The following ZNF475 variants were observed in gnomAD, a reference collection of about 807,000 sequenced individuals.
ZNF475 encodes the protein zinc finger protein 475.
the ZNF475 span, among the ~76,000 whole-genome samples, chr5:122,181,725 G>C: frequency 6.6e-6 from 1 of 152,144 alleles, no homozygotes; most frequent in African/African-American, 2.4e-5. Context: ...CTAAGACATA[G>C]TCAATTTAAT....
the ZNF475 span, among the ~76,000 whole-genome samples, chr5:122,171,483 G>T: frequency 1.3e-5 from 2 of 152,102 alleles, no homozygotes; most frequent in African/African-American, 4.8e-5. Flanking sequence ...TGACAAAAAG[G>T]CACCAAAGTG....
the ZNF475 span, chr5:122,163,012 T>C: frequency 4.6e-5 from 7 of 152,224 alleles, no homozygotes; most frequent in African/African-American, 1.7e-4. Context: ...ATTCAGATCA[T>C]AGATGCACAG....
chr5:122,170,214 A>G, the ZNF475 span, among the ~76,000 whole-genome samples: 7 of 152,286 alleles, frequency 4.6e-5, no homozygotes, highest in East Asian at 1.9e-4. Context: ...CCCCACAGCA[A>G]CAACCAGTTC....
At chr5:122,166,693 A>T in the ZNF475 span, among the ~76,000 whole-genome samples, 1 of 152,222 alleles carries the variant, frequency 6.6e-6, no homozygotes, top group African/African-American at 2.4e-5. Flanking sequence ...GCTGCACAGT[A>T]TTCCATGGTG....
chr5:122,171,688 ACTG>A, the ZNF475 span, among the ~76,000 whole-genome samples: 2 of 151,954 alleles, frequency 1.3e-5, no homozygotes, highest in Non-Finnish European at 1.5e-5. Flanking sequence ...ACTTATTTGT[ACTG>A]CTCCTTCCCC....
chr5:122,168,690 G>C, the ZNF475 span, among the ~76,000 whole-genome samples: 2 of 152,194 alleles, frequency 1.3e-5, no homozygotes, highest in African/African-American at 2.4e-5. Flanking sequence ...TGCAGGCTGG[G>C]CACAGAGCAA....
chr5:122,179,821 A>G, the ZNF475 span: 1 of 940,970 alleles, frequency 1.1e-6, no homozygotes, highest in Non-Finnish European at 1.5e-6. Context: ...TCACTTGTTC[A>G]AACGACCAAA....
chr5:122,180,118 G>A, the ZNF475 span: 186 of 152,770 alleles, frequency 1.2e-3, 1 homozygote, highest in Non-Finnish European at 2.0e-3. Context: ...CCAAAGTCAT[G>A]TTTCCAAATA....
the ZNF475 span, chr5:122,179,576 A>G: frequency 1.3e-6 from 2 of 1,521,844 alleles, no homozygotes; most frequent in Non-Finnish European, 1.8e-6. Flanking sequence ...GTCCACCAGC[A>G]GTTGTTTGCT....
chr5:122,162,894 CATCCA>C, the ZNF475 span: 3 of 152,176 alleles, frequency 2.0e-5, no homozygotes, highest in African/African-American at 7.2e-5. Context: ...TCCCCAGTCC[CATCCA>C]ATGGCTGACT....
the ZNF475 span, among the ~76,000 whole-genome samples, chr5:122,164,190 G>T: frequency 6.6e-6 from 1 of 152,126 alleles, no homozygotes; most frequent in Non-Finnish European, 1.5e-5. Context: ...GTGAGGAGAG[G>T]GATTAGAAAA....
chr5:122,168,114 G>C, the ZNF475 span, among the ~76,000 whole-genome samples: 1 of 152,104 alleles, frequency 6.6e-6, no homozygotes, highest in Admixed American at 6.5e-5. Context: ...GTGCCATCTC[G>C]GCTCACTACA....
At chr5:122,171,145 G>A in the ZNF475 span, among the ~76,000 whole-genome samples, 63 of 151,788 alleles carry the variant, frequency 4.2e-4, no homozygotes, top group African/African-American at 1.5e-3. Flanking sequence ...TATAATCTTT[G>A]AATATCTTTT....
At chr5:122,178,213 C>T in the ZNF475 span, among the ~76,000 whole-genome samples, 6 of 152,124 alleles carry the variant, frequency 3.9e-5, no homozygotes, top group Admixed American at 3.9e-4. Context: ...ATACATGTGC[C>T]TGTGTCTTTA....
the ZNF475 span, among the ~76,000 whole-genome samples, chr5:122,167,926 T>C: frequency 6.6e-6 from 1 of 152,248 alleles, no homozygotes; most frequent in Admixed American, 6.5e-5. Context: ...ATTCTGAGTT[T>C]CATCCACTGG....
the ZNF475 span, among the ~76,000 whole-genome samples, chr5:122,173,700 A>T: frequency 6.6e-6 from 1 of 152,354 alleles, no homozygotes; most frequent in African/African-American, 2.4e-5. Context: ...ATTCAAGTTA[A>T]AAGTTTTCCC....
the ZNF475 span, among the ~76,000 whole-genome samples, chr5:122,165,720 A>T: frequency 6.6e-6 from 1 of 151,796 alleles, no homozygotes; most frequent in African/African-American, 2.4e-5. Flanking sequence ...GGATGATGCA[A>T]CCTACAAAAT....
chr5:122,179,739 C>T, the ZNF475 span: 1 of 1,485,470 alleles, frequency 6.7e-7, no homozygotes, highest in Non-Finnish European at 8.9e-7. Context: ...TGGTAAGTTC[C>T]TAGAAAAAAG....
the ZNF475 span, among the ~76,000 whole-genome samples, chr5:122,172,990 G>T: frequency 6.6e-6 from 1 of 151,706 alleles, no homozygotes; most frequent in Non-Finnish European, 1.5e-5. Context: ...CCAAGATCGC[G>T]CCACTGCACT....
Sources: allele counts gnomAD v4.1 joint callset (sites outside exome capture counted in the v4.1 genomes callset), GRCh38; gene constraint gnomAD v4.1.1; transcripts MANE v1.5; gene names NCBI Gene and HGNC (gene_info 2026-07-23, HGNC 2026-07-21).